Variants in CAMTA1 observed in about 807,000 individuals in gnomAD.
CAMTA1 encodes calmodulin binding transcription activator 1.
In CAMTA1, 27 loss-of-function variants were observed where a neutral mutation model predicts 170.9. The ratio of observed to expected loss-of-function variants is 0.16; its 90% CI spans 0.12 to 0.22. The LOEUF (loss-of-function observed/expected upper bound fraction) is 0.22, where lower values mean the gene tolerates loss of function less well. Among genes scored for constraint, CAMTA1 ranks in the 10% least tolerant of loss-of-function variants. The pLI is 1.00. For synonymous variants in CAMTA1, 833 were observed against 891.5 expected (o/e 0.93, Z 1.17); for missense variants, 1,619 against 2,217.2 (o/e 0.73, Z 5.42).
chr1:7,354,045 T>C (rs1413168588), intron 5 of CAMTA1, among the ~76,000 whole-genome samples: 1 of 152,208 alleles, frequency 6.6e-6, no homozygotes, highest in Non-Finnish European at 1.5e-5. Flanking sequence ...TGCTTAGGAT[T>C]ATGGCCTCCA....
At chr1:7,622,654 C>T (rs945869810) in intron 6 of CAMTA1, among the ~76,000 whole-genome samples, 2 of 152,230 alleles carry the variant, frequency 1.3e-5, no homozygotes, top group African/African-American at 4.8e-5. Context: ...CTGGTGATCT[C>T]AAAATGCTGA....
intron 9 of CAMTA1, among the ~76,000 whole-genome samples, chr1:7,668,415 ACACACACACACACACACC>A (rs1405358461): frequency 7.0e-5 from 10 of 142,370 alleles, no homozygotes; most frequent in East Asian, 2.0e-4. Context: ...ACACACACAC[ACACACACACACACACACC>A]CACCACACAC....
At chr1:7,108,158 T>C (rs1190303140) in intron 4 of CAMTA1, among the ~76,000 whole-genome samples, 1 of 152,112 alleles carries the variant, frequency 6.6e-6, no homozygotes, top group African/African-American at 2.4e-5. Flanking sequence ...CAAATATTGA[T>C]GGCAAGAATT....
chr1:6,880,544 C>T (rs1422350938), intron 3 of CAMTA1, among the ~76,000 whole-genome samples: 1 of 152,062 alleles, frequency 6.6e-6, no homozygotes, highest in Non-Finnish European at 1.5e-5. Flanking sequence ...GGCATGCCAC[C>T]ATGCCCAGCT....
intron 5 of CAMTA1, among the ~76,000 whole-genome samples, chr1:7,394,435 G>C (rs1220836903): frequency 2.6e-5 from 4 of 152,144 alleles, no homozygotes; most frequent in Non-Finnish European, 5.9e-5. Context: ...TTTCCCTGAT[G>C]ATTAGTGATG....
intron 5 of CAMTA1, among the ~76,000 whole-genome samples, chr1:7,276,303 A>ATATATATTTTT: frequency 3.3e-3 from 81 of 24,192 alleles, no homozygotes; most frequent in South Asian, 9.5e-3. Flanking sequence ...ATATATATAT[A>ATATATATTTTT]TTTTTTTTTT....
At chr1:6,938,003 G>A (rs1313271622) in intron 3 of CAMTA1, among the ~76,000 whole-genome samples, 1 of 152,160 alleles carries the variant, frequency 6.6e-6, no homozygotes, top group Non-Finnish European at 1.5e-5. Context: ...ATCTCAGGGG[G>A]CAGATATTCT....
At chr1:7,616,328 C>T (rs2095558368) in intron 6 of CAMTA1, among the ~76,000 whole-genome samples, 1 of 152,238 alleles carries the variant, frequency 6.6e-6, no homozygotes, top group African/African-American at 2.4e-5. Context: ...ATTAAAATCA[C>T]TTCTTTTTTT....
At chr1:7,306,329 G>GT (rs1006791400) in intron 5 of CAMTA1, among the ~76,000 whole-genome samples, 83 of 151,804 alleles carry the variant, frequency 5.5e-4, no homozygotes, top group African/African-American at 2.0e-3. Context: ...AGGGTTCTCT[G>GT]TTTTTTTGTT....
At chr1:7,185,220 G>A (rs1317633101) in intron 4 of CAMTA1, among the ~76,000 whole-genome samples, 1 of 152,218 alleles carries the variant, frequency 6.6e-6, no homozygotes, top group Non-Finnish European at 1.5e-5. Context: ...TAATGTAGCA[G>A]TCTGCTAAGA....
chr1:7,359,155 G>A (rs758672219), intron 5 of CAMTA1, among the ~76,000 whole-genome samples: 4 of 152,182 alleles, frequency 2.6e-5, no homozygotes, highest in South Asian at 2.1e-4. Flanking sequence ...TTGCTCTGGC[G>A]ATAAAGCCCT....
chr1:7,404,860 G>C (rs184779131), intron 5 of CAMTA1, among the ~76,000 whole-genome samples: 29 of 152,320 alleles, frequency 1.9e-4, no homozygotes, highest in Middle Eastern at 3.4e-3. Flanking sequence ...AAGGAATCTG[G>C]AGTATGCTGC....
At chr1:7,758,307 G>T (rs1368852208) in intron 22 of CAMTA1, among the ~76,000 whole-genome samples, 2 of 152,168 alleles carry the variant, frequency 1.3e-5, no homozygotes, top group Non-Finnish European at 1.5e-5. Context: ...TTTAATGCCT[G>T]CTGCATTCTA....
chr1:7,543,515 G>T (rs2094643909), intron 6 of CAMTA1, among the ~76,000 whole-genome samples: 1 of 152,162 alleles, frequency 6.6e-6, no homozygotes, highest in African/African-American at 2.4e-5. Flanking sequence ...TTAGCATTCT[G>T]TGTTTAGTAG....
rs74051008 is a variant in CAMTA1, at chr1:6,825,421, A to G, written c.234+211A>G. Among the ~76,000 whole-genome samples the G allele has an allele frequency of 2.6e-3, 400 of 152,288 alleles. 1 individual carries two copies. The highest frequency in any genetic ancestry group is 9.3e-3 in the African/African-American group (387 of 41,566). On this transcript the variant is annotated intron_variant, in intron 3 of 22. Transcript: ENST00000303635. Reference sequence around the variant, plus strand: ...CTTGGCTTGCATTGAAAGATACACAATGTGCACGTTGACTTAACTAAAGTA... The same window carrying G: ...CTTGGCTTGCATTGAAAGATACACAGTGTGCACGTTGACTTAACTAAAGTA...
At chr1:7,544,260 G>T (rs1182692483) in intron 6 of CAMTA1, among the ~76,000 whole-genome samples, 1 of 152,236 alleles carries the variant, frequency 6.6e-6, no homozygotes, top group Non-Finnish European at 1.5e-5. Context: ...AAACCTATCA[G>T]ATTTCATGAG....
At chr1:7,439,173 G>A (rs370179267) in intron 5 of CAMTA1, among the ~76,000 whole-genome samples, 4 of 152,130 alleles carry the variant, frequency 2.6e-5, no homozygotes, top group Non-Finnish European at 2.9e-5. Context: ...GTCCTGGGTC[G>A]GGCCCGCCCT....
chr1:7,341,838 C>A (rs910479869), intron 5 of CAMTA1, among the ~76,000 whole-genome samples: 1 of 152,194 alleles, frequency 6.6e-6, no homozygotes, highest in Non-Finnish European at 1.5e-5. Context: ...TCAGAAGGGG[C>A]TCCAGGAGCT....
rs1646480797 is a variant in CAMTA1, at chr1:6,821,518, T to C, written c.115+1268T>C. ...TACTCCATGTTGTTGATCAAAGATA[T>C]TCCCAATAAGATTTAGCAATTTGAT... is the stretch of plus-strand genomic sequence containing the variant. On this transcript the variant is annotated intron_variant, in intron 2 of 22. Transcript: ENST00000303635. 2.6e-5 allele frequency among the ~76,000 whole-genome samples: 4 copies of C among 152,166 alleles called. No individual in the cohort carries two copies. The South Asian group carries it at 8.3e-4, about 31-fold the overall frequency.
Sources: allele counts gnomAD v4.1 joint callset (sites outside exome capture counted in the v4.1 genomes callset), GRCh38; gene constraint gnomAD v4.1.1; transcripts MANE v1.5; gene names NCBI Gene and HGNC (gene_info 2026-07-23, HGNC 2026-07-21).